The following GDAP1 variants were observed in gnomAD, a reference collection of about 807,000 sequenced individuals.
The protein encoded by GDAP1 is ganglioside induced differentiation associated protein 1, also known as ganglioside-induced differentiation-associated protein 1.
Under a neutral mutation model 40.1 loss-of-function variants are expected in GDAP1, and 34 were observed. The ratio of observed to expected loss-of-function variants is 0.85; its 90% confidence interval spans 0.64 to 1.13. The LOEUF is 1.13. Among genes scored for constraint, GDAP1 ranks in the 50% most tolerant of loss-of-function variants. The pLI is 0.00. For missense variants in GDAP1, 374 were observed against 433.7 expected, an observed-to-expected ratio of 0.86 and a Z score of 1.22; for synonymous variants, 170 against 157.4, an observed-to-expected ratio of 1.08 and a Z score of -0.60.
At chr8:74,377,176 CA>C (rs1433300246) in intron 2 of GDAP1, among the ~76,000 whole-genome samples, 1 of 151,970 alleles carries the variant, frequency 6.6e-6, no homozygotes, top group Non-Finnish European at 1.5e-5. Context: ...GAAAAGTATT[CA>C]CCATAAAAAA....
intron 2 of GDAP1, among the ~76,000 whole-genome samples, chr8:74,477,218 T>G (rs1196262554): frequency 5.3e-5 from 8 of 152,204 alleles, no homozygotes; most frequent in Non-Finnish European, 1.2e-4. Flanking sequence ...TCCCTTAGAT[T>G]GGGTTTCAAC....
At chr8:74,354,814 A>G (rs963263609) in intron 2 of GDAP1, among the ~76,000 whole-genome samples, 1 of 152,190 alleles carries the variant, frequency 6.6e-6, no homozygotes, top group African/African-American at 2.4e-5. Context: ...TTATGGATGT[A>G]ACTTTGAGGA....
chr8:74,417,549 C>T (rs760537476), intron 2 of GDAP1, among the ~76,000 whole-genome samples: 8 of 149,858 alleles, frequency 5.3e-5, no homozygotes, highest in African/African-American at 1.0e-4. Context: ...GGATTACAGG[C>T]GTGAGCCAAT....
intron 2 of GDAP1, among the ~76,000 whole-genome samples, chr8:74,466,423 G>C (rs1041376379): frequency 6.6e-6 from 1 of 152,196 alleles, no homozygotes; most frequent in African/African-American, 2.4e-5. Context: ...GTAGATGTGT[G>C]AAGATCAGTT....
intron 2 of GDAP1, among the ~76,000 whole-genome samples, chr8:74,430,200 G>A (rs1206723459): frequency 2.0e-5 from 3 of 152,194 alleles, no homozygotes; most frequent in Admixed American, 2.0e-4. Flanking sequence ...TGGAGAAGCT[G>A]AAGGGCATTT....
At chr8:74,445,484 A>G (rs1806216422) in intron 2 of GDAP1, among the ~76,000 whole-genome samples, 1 of 152,166 alleles carries the variant, frequency 6.6e-6, no homozygotes, top group Non-Finnish European at 1.5e-5. Flanking sequence ...TTAGCCTGGT[A>G]TTTTTTAGCA....
chr8:74,446,600 TA>T (rs1371281916), intron 2 of GDAP1, among the ~76,000 whole-genome samples: 1 of 152,226 alleles, frequency 6.6e-6, no homozygotes, highest in African/African-American at 2.4e-5. Context: ...AATTTTGGAA[TA>T]GTTTTTAAAA....
Position 74,394,741 on chromosome 8 carries a change from G to A in GDAP1, c.165+43420G>A, listed in dbSNP as rs767703659. On this transcript the variant is annotated intron_variant, in intron 2 of 2. Coordinates refer to the GDAP1 transcript ENST00000523640. Reference sequence around the variant, plus strand: ...GAGGGTGCTGCGTTAAGTATGTGGAGTTAAGCTAAGCTGGGGATTAGGAAT... The same window carrying A: ...GAGGGTGCTGCGTTAAGTATGTGGAATTAAGCTAAGCTGGGGATTAGGAAT... Among the ~76,000 whole-genome samples the A allele has an allele frequency of 1.6e-4, 24 of 152,124 alleles. 1 individual carries two copies. Among genetic ancestry groups the A allele is most frequent in the Non-Finnish European group, 7.3e-5 (5 of 68,030 alleles).
At chr8:74,358,020 G>C (rs1423325390) in intron 2 of GDAP1, among the ~76,000 whole-genome samples, 1 of 152,222 alleles carries the variant, frequency 6.6e-6, no homozygotes, top group Non-Finnish European at 1.5e-5. Context: ...CAGTGCCCCT[G>C]TGATACTGGA....
chr8:74,464,949 G>A (rs1400930410), intron 2 of GDAP1, among the ~76,000 whole-genome samples: 1 of 152,084 alleles, frequency 6.6e-6, no homozygotes, highest in Non-Finnish European at 1.5e-5. Context: ...GCCAGGCATG[G>A]TGGCTCATGC....
In GDAP1 at chr8:74,360,181, C is replaced by A. The variant is rs936681187; in HGVS notation, c.355C>A (p.Pro119Thr). 3 of 1,613,146 alleles carry A rather than the reference C, an allele frequency of 1.9e-6. No homozygotes were observed. Among genetic ancestry groups the A allele is most frequent in the Admixed American group, 3.3e-5 (2 of 59,988 alleles). The change falls in exon 3 of 6, where the codon CCA (proline) becomes ACA (threonine). Residue 119 changes from proline to threonine, a missense_variant. Coordinates refer to ENST00000220822, the MANE Select transcript of GDAP1 (RefSeq NM_018972.4). Reference sequence around the variant, plus strand: ...GCCTGATAAAGAAAGCATGTATTACCCACGGGTACAACATTACCGAGAGCT... The same window carrying A: ...GCCTGATAAAGAAAGCATGTATTACACACGGGTACAACATTACCGAGAGCT... ...LMPDKESMYY[P>T]RVQHYRELLD... is the part of the protein sequence containing the mutation.
chr8:74,478,330 C>T (rs966495682), intron 2 of GDAP1, among the ~76,000 whole-genome samples: 2 of 152,006 alleles, frequency 1.3e-5, no homozygotes, highest in Non-Finnish European at 2.9e-5. Context: ...TTGGGGGTGG[C>T]CGTGGTTGAG....
rs10504580 is a variant in GDAP1, at chr8:74,366,581, A to G, written c.*2214A>G. 128,265 of 452,964 alleles carry G rather than the reference A, an allele frequency of 0.28. 19,693 individuals carry two copies. Among genetic ancestry groups the G allele is most frequent in the Non-Finnish European group, 0.34 (76,313 of 226,350 alleles). 28.1% of individuals were successfully genotyped at this position (452,964 alleles called of 1,614,324 possible). A position where few individuals can be genotyped will look rare whatever the true frequency, so the allele number is the denominator to read the frequency against. ...TCGGTGACTGGTCAGTGTACTCATCAATTTCCAAAATTTGTATAAATATCA... is the reference window on the plus strand; with the variant it reads ...TCGGTGACTGGTCAGTGTACTCATCGATTTCCAAAATTTGTATAAATATCA... On this transcript the variant is annotated 3_prime_UTR_variant, in exon 6 of 6. Transcript: ENST00000220822.
chr8:74,401,432 G>A (rs374475524), intron 2 of GDAP1, among the ~76,000 whole-genome samples: 5 of 149,550 alleles, frequency 3.3e-5, no homozygotes, highest in African/African-American at 1.0e-4. Flanking sequence ...CTCTGTATTG[G>A]TTATTCTAGT....
At chr8:74,441,357 G>T (rs1806160491) in intron 2 of GDAP1, among the ~76,000 whole-genome samples, 1 of 152,206 alleles carries the variant, frequency 6.6e-6, no homozygotes, top group African/African-American at 2.4e-5. Context: ...GGTGTACCAT[G>T]GACATCAAAT....
chr8:74,400,483 T>C (rs1469181730), intron 2 of GDAP1, among the ~76,000 whole-genome samples: 5 of 149,828 alleles, frequency 3.3e-5, no homozygotes, highest in Admixed American at 3.3e-4. Context: ...TACAGCACAC[T>C]GATGGGTCTT....
chr8:74,417,621 G>C (rs969924935), intron 2 of GDAP1, among the ~76,000 whole-genome samples: 1 of 149,528 alleles, frequency 6.7e-6, no homozygotes, highest in African/African-American at 2.6e-5. Flanking sequence ...GCTGGGTGTG[G>C]TGGCACACAC....
At chr8:74,448,681 T>C (rs7835130) in intron 2 of GDAP1, among the ~76,000 whole-genome samples, 1,639 of 152,140 alleles carry the variant, frequency 0.011, 30 homozygotes, top group African/African-American at 0.037. Context: ...CTGATGACTT[T>C]CCTTGATTTT....
intron 2 of GDAP1, among the ~76,000 whole-genome samples, chr8:74,353,148 G>A (rs1808955305): frequency 6.6e-6 from 1 of 152,172 alleles, no homozygotes; most frequent in African/African-American, 2.4e-5. Flanking sequence ...GTCCTGCTAA[G>A]TTGTATTTAA....
Sources: gnomAD v4.1 joint callset for allele counts (sites outside exome capture counted in the v4.1 genomes callset) on GRCh38, gnomAD v4.1.1 for gene constraint, MANE v1.5 for transcripts, NCBI Gene and HGNC (gene_info 2026-07-23, HGNC 2026-07-21) for gene names.